Variants in MAPK4 observed in about 807,000 individuals in gnomAD.
MAPK4 encodes the protein mitogen-activated protein kinase 4.
In MAPK4, 22 loss-of-function variants were observed where a neutral mutation model predicts 47.7. That is an observed-to-expected ratio of 0.46 (90% CI 0.33 to 0.66). The LOEUF is 0.66. Ranked by LOEUF, MAPK4 falls within the 30% of genes least tolerant of loss-of-function variation. The probability of loss-of-function intolerance (pLI) is 0.02; values close to 1 mark genes in which losing one functional copy is unlikely to be tolerated. For missense variants in MAPK4, 736 were observed against 831.7 expected, an observed-to-expected ratio of 0.88 and a Z score of 1.42; for synonymous variants, 390 against 365.7, an observed-to-expected ratio of 1.07 and a Z score of -0.76.
At chr18:50,683,699 T>C (rs908230936) in intron 2 of MAPK4, among the ~76,000 whole-genome samples, 16 of 152,148 alleles carry the variant, frequency 1.1e-4, no homozygotes, top group Non-Finnish European at 2.4e-4. Context: ...GGAAAACTTA[T>C]ATAGACCAGA....
intron 1 of MAPK4, among the ~76,000 whole-genome samples, chr18:50,626,627 C>A (rs1426074874): frequency 7.9e-5 from 12 of 152,162 alleles, no homozygotes; most frequent in Admixed American, 7.9e-4. Context: ...CTCTCCCCTC[C>A]CATTCCTCAT....
intron 1 of MAPK4, among the ~76,000 whole-genome samples, chr18:50,621,766 T>A (rs1340444330): frequency 6.6e-5 from 10 of 152,236 alleles, no homozygotes; most frequent in Non-Finnish European, 1.0e-4. Context: ...GAGTTTGAGT[T>A]CTAAAAGCTT....
chr18:50,684,882 G>A (rs867752893), intron 2 of MAPK4, among the ~76,000 whole-genome samples: 2 of 152,184 alleles, frequency 1.3e-5, no homozygotes, highest in Admixed American at 6.5e-5. Context: ...CCAGAGGGCC[G>A]GGAGCAGTGT....
At chr18:50,680,982 G>A (rs1249263041) in intron 2 of MAPK4, among the ~76,000 whole-genome samples, 1 of 152,144 alleles carries the variant, frequency 6.6e-6, no homozygotes, top group African/African-American at 2.4e-5. Context: ...ACTGCTTGAG[G>A]AGCTACCAGA....
intron 2 of MAPK4, among the ~76,000 whole-genome samples, chr18:50,711,641 C>G (rs561851990): frequency 6.6e-6 from 1 of 152,318 alleles, no homozygotes; most frequent in South Asian, 2.1e-4. Context: ...GCATGCCCTG[C>G]CTGGGGAGAC....
intron 2 of MAPK4, among the ~76,000 whole-genome samples, chr18:50,710,563 G>A (rs537321570): frequency 6.6e-6 from 1 of 152,116 alleles, no homozygotes; most frequent in African/African-American, 2.4e-5. Context: ...AGATCATGAG[G>A]TCAGGAGATC....
At chr18:50,625,691 C>T (rs2042770765) in intron 1 of MAPK4, among the ~76,000 whole-genome samples, 1 of 151,974 alleles carries the variant, frequency 6.6e-6, no homozygotes, top group Admixed American at 6.6e-5. Context: ...CCAGGCTGGA[C>T]CCAGGATTGG....
chr18:50,619,618 C>T (rs115992309), intron 1 of MAPK4, among the ~76,000 whole-genome samples: 14 of 152,292 alleles, frequency 9.2e-5, no homozygotes, highest in African/African-American at 3.4e-4. Flanking sequence ...CGTGAGCCAC[C>T]ACACTGGGCC....
intron 1 of MAPK4, among the ~76,000 whole-genome samples, chr18:50,642,869 C>G (rs889257859): frequency 7.9e-5 from 12 of 152,176 alleles, no homozygotes; most frequent in African/African-American, 2.9e-4. Flanking sequence ...CCTCCCAAAA[C>G]GCTGGGATTA....
At chr18:50,706,001 G>A (rs1910033617) in intron 2 of MAPK4, 1 of 152,186 alleles carries the variant, frequency 6.6e-6, no homozygotes, top group Non-Finnish European at 1.5e-5. Context: ...TAGTTAATTT[G>A]ATCTTGCTCA....
chr18:50,609,364 C>T (rs1220432671), intron 1 of MAPK4, among the ~76,000 whole-genome samples: 15 of 151,188 alleles, frequency 9.9e-5, no homozygotes, highest in South Asian at 2.1e-4. Context: ...ACCTCCCAGA[C>T]GGGGCGGCTG....
intron 1 of MAPK4, among the ~76,000 whole-genome samples, chr18:50,567,427 A>C (rs2042208305): frequency 6.6e-6 from 1 of 152,218 alleles, no homozygotes; most frequent in African/African-American, 2.4e-5. Flanking sequence ...GTGTCATTGC[A>C]TGAGCAACTT....
Position 50,603,088 on chromosome 18 carries a change from C to G in MAPK4, c.-871+42845C>G, listed in dbSNP as rs115987339. ...TGGAGAGGGGCTGCATCACCCTCCA[C>G]TAATCTGGAGGTTACAGATAGTTAC... On this transcript the variant is annotated intron_variant, in intron 1 of 5. Transcript: ENST00000400384. Among the ~76,000 whole-genome samples the G allele has an allele frequency of 8.5e-3, 1,289 of 152,260 alleles. 20 individuals are homozygous for G. The highest frequency in any genetic ancestry group is 0.029 in the African/African-American group (1,215 of 41,536).
At position 50,715,104 on chromosome 18, in the gene MAPK4, C is replaced by A. The variant is rs1192529503; in HGVS notation, c.572C>A (p.Thr191Lys). 1.9e-6 allele frequency: 3 copies of A among 1,614,036 alleles called. No homozygotes were observed. Among genetic ancestry groups the A allele is most frequent in the East Asian group, 2.2e-5 (1 of 44,870 alleles). The change falls in exon 3 of 6, where the codon ACA becomes AAA. Residue 191 changes from threonine to lysine, a missense_variant. By Grantham distance (78) the Thr-to-Lys change is moderately conservative. This residue lies in a region of MAPK4 where 327 missense variants were observed against 395.4 expected (regional missense o/e 0.83). Coordinates refer to ENST00000400384, the MANE Select transcript of MAPK4 (RefSeq NM_002747.4). ...GGTTATCTGTCAGAAGGGTTGGTAA[C>A]AAAGTGGTACCGTTCCCCACGACTG... ...HKGYLSEGLVTKWYRSPRLLL... is the reference protein window; with the variant it reads ...HKGYLSEGLVKKWYRSPRLLL...
At chr18:50,563,524 C>G (rs1015967063) in intron 1 of MAPK4, among the ~76,000 whole-genome samples, 3 of 152,216 alleles carry the variant, frequency 2.0e-5, no homozygotes, top group Non-Finnish European at 4.4e-5. Context: ...GGACCTTTGT[C>G]TCCTGTCCTG....
intron 2 of MAPK4, among the ~76,000 whole-genome samples, chr18:50,670,595 A>T (rs957770681): frequency 1.3e-5 from 2 of 152,122 alleles, no homozygotes; most frequent in African/African-American, 4.8e-5. Context: ...TGTCTCTACT[A>T]AAAATATAAA....
intron 1 of MAPK4, among the ~76,000 whole-genome samples, chr18:50,563,710 C>A (rs1484039744): frequency 6.6e-6 from 1 of 152,138 alleles, no homozygotes; most frequent in Non-Finnish European, 1.5e-5. Flanking sequence ...GGGTAGGTGA[C>A]ACTTATTTCA....
intron 1 of MAPK4, among the ~76,000 whole-genome samples, chr18:50,586,167 CT>C (rs904067659): frequency 6.6e-6 from 1 of 152,170 alleles, no homozygotes; most frequent in African/African-American, 2.4e-5. Flanking sequence ...ACAAAAGAGG[CT>C]TTTAAAATTT....
At chr18:50,719,608 A>C in intron 3 of MAPK4, among the ~76,000 whole-genome samples, 1 of 152,264 alleles carries the variant, frequency 6.6e-6, no homozygotes. Flanking sequence ...GATCTGGGTC[A>C]TAGGTGCCTG....
Sources: allele counts gnomAD v4.1 joint callset (sites outside exome capture counted in the v4.1 genomes callset), GRCh38; gene constraint gnomAD v4.1.1; regional missense constraint gnomAD v4.1.1; transcripts MANE v1.5; gene names NCBI Gene and HGNC (gene_info 2026-07-23, HGNC 2026-07-21).